The following RALGPS1 variants were observed in gnomAD, a reference collection of about 807,000 sequenced individuals.
The protein encoded by RALGPS1 is Ral GEF with PH domain and SH3 binding motif 1, also known as ras-specific guanine nucleotide-releasing factor RalGPS1.
RALGPS1 carries 19 observed loss-of-function variants against 78.8 expected under a neutral mutation model. That is an observed-to-expected ratio of 0.24 (90% CI 0.17 to 0.35). The LOEUF (loss-of-function observed/expected upper bound fraction) is 0.35. RALGPS1 is among the 10% of genes least tolerant of loss of function. RALGPS1 has a pLI of 1.00. For missense variants in RALGPS1, 454 were observed against 688.3 expected (o/e 0.66, Z 3.81); for synonymous variants, 228 against 256.3 (o/e 0.89, Z 1.06).
At chr9:127,023,962 G>T (rs2045718202) in intron 4 of RALGPS1, among the ~76,000 whole-genome samples, 1 of 149,982 alleles carries the variant, frequency 6.7e-6, no homozygotes, top group Non-Finnish European at 1.5e-5. Flanking sequence ...GCTTGAACCT[G>T]GGAGGCGGAG....
intron 4 of RALGPS1, among the ~76,000 whole-genome samples, chr9:126,983,196 C>T (rs1384007012): frequency 6.6e-6 from 1 of 152,020 alleles, no homozygotes; most frequent in Non-Finnish European, 1.5e-5. Flanking sequence ...CTCGGCCTCC[C>T]AAAGTGCTGG....
chr9:127,073,454 GTGTGTGTGTGTC>G (rs1156816073), intron 8 of RALGPS1, among the ~76,000 whole-genome samples: 1 of 132,926 alleles, frequency 7.5e-6, no homozygotes, highest in African/African-American at 3.5e-5. Flanking sequence ...CATTGTGTGT[GTGTGTGTGTGTC>G]TGTGTGTGTG....
chr9:127,010,877 A>G (rs1324383458), intron 4 of RALGPS1, among the ~76,000 whole-genome samples: 1 of 152,220 alleles, frequency 6.6e-6, no homozygotes. Flanking sequence ...GAGAGAGCTC[A>G]TTCTACAGTT....
intron 1 of RALGPS1, among the ~76,000 whole-genome samples, chr9:126,954,480 T>A (rs936272484): frequency 1.3e-5 from 2 of 152,146 alleles, no homozygotes; most frequent in Admixed American, 6.6e-5. Context: ...ATCATGTCAC[T>A]CCCCTGCTCA....
chr9:127,109,664 A>G (rs554543310), intron 8 of RALGPS1, among the ~76,000 whole-genome samples: 3 of 152,242 alleles, frequency 2.0e-5, no homozygotes, highest in Non-Finnish European at 4.4e-5. Context: ...CCAGATGTTG[A>G]TTGAACACCT....
chr9:127,072,409 T>A (rs562574815), intron 8 of RALGPS1, among the ~76,000 whole-genome samples: 98 of 152,270 alleles, frequency 6.4e-4, no homozygotes, highest in African/African-American at 2.3e-3. Context: ...GAGACGAGGT[T>A]TCGCCATGTT....
At chr9:127,196,327 G>A in intron 12 of RALGPS1, 147 bp from the exon 13 acceptor site, 1 of 827,706 alleles carries the variant, frequency 1.2e-6, no homozygotes, top group South Asian at 1.9e-5. Flanking sequence ...CATGGCATGA[G>A]AGAGGACAGA....
intron 11 of RALGPS1, among the ~76,000 whole-genome samples, chr9:127,189,031 C>T (rs2060873553): frequency 1.4e-5 from 2 of 139,438 alleles, no homozygotes; most frequent in African/African-American, 5.3e-5. Flanking sequence ...AAAAAAACCC[C>T]ATTGGCTCAC....
chr9:127,168,254 G>A (rs1372580311), intron 9 of RALGPS1, among the ~76,000 whole-genome samples: 1 of 152,172 alleles, frequency 6.6e-6, no homozygotes, highest in Admixed American at 6.5e-5. Flanking sequence ...TTGAATTCAT[G>A]TCACACAGCT....
At chr9:127,026,644 CATT>C (rs2045986410) in intron 4 of RALGPS1, among the ~76,000 whole-genome samples, 1 of 152,170 alleles carries the variant, frequency 6.6e-6, no homozygotes, top group Non-Finnish European at 1.5e-5. Context: ...CTTCCAAAGT[CATT>C]GTCATTTATT....
At chr9:127,184,875 G>A (rs1177261082) in intron 11 of RALGPS1, among the ~76,000 whole-genome samples, 2 of 152,194 alleles carry the variant, frequency 1.3e-5, no homozygotes, top group Non-Finnish European at 2.9e-5. Context: ...TGCGATACTT[G>A]GAAAGTGCCC....
At chr9:127,016,918 A>G (rs559703340) in intron 4 of RALGPS1, 1 of 152,284 alleles carries the variant, frequency 6.6e-6, no homozygotes, top group Admixed American at 6.5e-5. Flanking sequence ...ACGTCTTTTT[A>G]CATCAGTTAG....
intron 1 of RALGPS1, among the ~76,000 whole-genome samples, chr9:126,922,715 G>A (rs1026178005): frequency 5.3e-5 from 8 of 152,026 alleles, no homozygotes; most frequent in African/African-American, 1.7e-4. Context: ...TAGTACAATT[G>A]TGCCCACCAG....
intron 14 of RALGPS1, among the ~76,000 whole-genome samples, chr9:127,199,912 G>T (rs1193424082): frequency 7.1e-6 from 1 of 140,916 alleles, no homozygotes. Flanking sequence ...ACACACACAC[G>T]TACACATGCA....
intron 4 of RALGPS1, among the ~76,000 whole-genome samples, chr9:127,007,233 T>C (rs987991285): frequency 1.3e-5 from 2 of 152,248 alleles, no homozygotes; most frequent in Non-Finnish European, 2.9e-5. Flanking sequence ...GAGTTAAAGC[T>C]CTATTTTCTG....
At chr9:127,108,224 G>C in intron 8 of RALGPS1, 4 of 1,614,076 alleles carry the variant, frequency 2.5e-6, no homozygotes, top group Non-Finnish European at 3.4e-6. Context: ...GCCAGCTGCA[G>C]CATGTCGGCT....
At chr9:127,003,704 A>T (rs9696569) in intron 4 of RALGPS1, among the ~76,000 whole-genome samples, 150,019 of 151,856 alleles carry the variant, frequency 0.99, 74,129 homozygotes, top group Middle Eastern at 1. Flanking sequence ...CTTTTTTTTT[A>T]AAATTATTTT....
At chr9:127,073,746 T>G (rs1026929374) in intron 8 of RALGPS1, among the ~76,000 whole-genome samples, 5 of 152,222 alleles carry the variant, frequency 3.3e-5, no homozygotes, top group African/African-American at 1.2e-4. Flanking sequence ...TCCACATTCT[T>G]GCCAGCATGT....
intron 11 of RALGPS1, among the ~76,000 whole-genome samples, chr9:127,177,433 G>A (rs1223013620): frequency 6.6e-6 from 1 of 152,184 alleles, no homozygotes; most frequent in Non-Finnish European, 1.5e-5. Context: ...CTGCCAGGGC[G>A]ATGGCGACAG....
Sources: allele counts gnomAD v4.1 joint callset (sites outside exome capture counted in the v4.1 genomes callset), GRCh38; gene constraint gnomAD v4.1.1; transcripts MANE v1.5; gene names NCBI Gene and HGNC (gene_info 2026-07-23, HGNC 2026-07-21).